Variants in PRKN observed in about 807,000 individuals in gnomAD.
The protein encoded by PRKN is E3 ubiquitin-protein ligase parkin.
In PRKN, 56 loss-of-function variants were observed where a neutral mutation model predicts 59.5. That is an observed-to-expected ratio of 0.94 (90% confidence interval 0.76 to 1.18). PRKN has a LOEUF of 1.18. Ranked by LOEUF, PRKN falls within the 50% of genes most tolerant of loss-of-function variation. The pLI is 0.00. For synonymous variants in PRKN, 250 were observed against 222.1 expected, an observed-to-expected ratio of 1.13 and a Z score of -1.12; for missense variants, 657 against 596.4, an observed-to-expected ratio of 1.10 and a Z score of -1.06.
chr6:161,964,259 A>C (rs180854846), intron 6 of PRKN, among the ~76,000 whole-genome samples: 1 of 152,076 alleles, frequency 6.6e-6, no homozygotes, highest in Non-Finnish European at 1.5e-5. Context: ...TGGAAGCCCT[A>C]ATTATTTTAA....
In PRKN at chr6:162,647,972, A is replaced by G. The variant is rs563762943; in HGVS notation, c.7+79690T>C. Among the ~76,000 whole-genome samples, 616 of 143,054 alleles carry G rather than the reference A, an allele frequency of 4.3e-3. 2 individuals carry two copies. Among genetic ancestry groups the G allele is most frequent in the African/African-American group, 0.015 (596 of 40,172 alleles). The allele number at this position is 143,054 out of a possible 152,430, so 93.8% of individuals were successfully genotyped here. ...TGCAAAAAAAAAAAAAAAAAAAAAA[A>G]AAAAAGTCTACGGGGCAAAATTTGT... On this transcript the variant is annotated intron_variant, in intron 1 of 11. Transcript: ENST00000366898.
At chr6:162,299,439 T>C (rs1333002263) in intron 2 of PRKN, among the ~76,000 whole-genome samples, 1 of 151,950 alleles carries the variant, frequency 6.6e-6, no homozygotes, top group Non-Finnish European at 1.5e-5. Flanking sequence ...AGCAGCTTCT[T>C]CGATAAAAAC....
At chr6:162,053,544 T>G (rs534481184) in intron 5 of PRKN, among the ~76,000 whole-genome samples, 1 of 152,168 alleles carries the variant, frequency 6.6e-6, no homozygotes, top group Non-Finnish European at 1.5e-5. Flanking sequence ...ATGGCATATA[T>G]GTGCAAAGAG....
rs1474048923 is a variant in PRKN, at chr6:161,593,150, T to C, written c.872-23734A>G. On this transcript the variant is annotated intron_variant, in intron 7 of 11. Coordinates refer to ENST00000366898, the MANE Select transcript of PRKN (RefSeq NM_004562.3). This position sits in a 1 kb window ranked among gnomAD's most constrained non-coding sequence, Gnocchi z 4.8. Reference sequence around the variant, plus strand: ...TTTAAAAGGTGATCTGTCCCCTTACTGTATAGAAAATAATTACGAACTAAT... The same window carrying C: ...TTTAAAAGGTGATCTGTCCCCTTACCGTATAGAAAATAATTACGAACTAAT... Among the ~76,000 whole-genome samples the C allele has an allele frequency of 2.6e-5, 4 of 152,190 alleles. No homozygotes were observed. Among genetic ancestry groups the C allele is most frequent in the Non-Finnish European group, 5.9e-5 (4 of 68,030 alleles).
In PRKN at chr6:161,408,395, T is replaced by A. The variant is rs976656377; in HGVS notation, c.1084-21518A>T. ...GCGGACATGTGGGTTTGCGTATACA[T>A]GTAAAACGTATCTAGAAAGCTCTAC... On this transcript the variant is annotated intron_variant, in intron 9 of 11. Coordinates refer to ENST00000366898, the MANE Select transcript of PRKN (RefSeq NM_004562.3). 2.7e-5 allele frequency among the ~76,000 whole-genome samples: 4 copies of A among 150,418 alleles called. No homozygotes were observed. The East Asian group carries it at 7.8e-4, about 29-fold the overall frequency.
intron 1 of PRKN, among the ~76,000 whole-genome samples, chr6:162,490,597 C>T (rs577686480): frequency 2.6e-4 from 40 of 152,168 alleles, no homozygotes; most frequent in East Asian, 9.7e-4. Context: ...GAAAACAAAA[C>T]GAATTTCATG....
At chr6:161,862,311 C>T (rs1053435378) in intron 6 of PRKN, among the ~76,000 whole-genome samples, 6 of 152,096 alleles carry the variant, frequency 3.9e-5, no homozygotes, top group Admixed American at 1.3e-4. Flanking sequence ...TCAGGCTTGT[C>T]GGGGATTACT....
At chr6:161,625,234 T>C (rs1258158417) in intron 7 of PRKN, among the ~76,000 whole-genome samples, 1 of 152,036 alleles carries the variant, frequency 6.6e-6, no homozygotes, top group Admixed American at 6.5e-5. Context: ...TATGCAGCCA[T>C]AAAAAAGGAT....
intron 3 of PRKN, among the ~76,000 whole-genome samples, chr6:162,237,252 CAA>C (rs1344169090): frequency 2.0e-5 from 3 of 151,842 alleles, no homozygotes; most frequent in Non-Finnish European, 4.4e-5. Flanking sequence ...TATTAGAAAA[CAA>C]AAAGAATTTT....
chr6:161,564,252 A>T lies in PRKN; in HGVS notation c.933+5103T>A, dbSNP rs184750418. Among the ~76,000 whole-genome samples, 16 of 152,226 alleles carry T rather than the reference A, an allele frequency of 1.1e-4. No homozygotes were observed. The South Asian group carries it at 1.9e-3, about 18-fold the overall frequency. Reference sequence around the variant, plus strand: ...TGCCTAGAGGCCAGTAGGTCTTGTCATGAATAATCAGGATATAAACGTCCC... The same window carrying T: ...TGCCTAGAGGCCAGTAGGTCTTGTCTTGAATAATCAGGATATAAACGTCCC... On this transcript the variant is annotated intron_variant, in intron 8 of 11. Coordinates refer to ENST00000366898, the MANE Select transcript of PRKN (RefSeq NM_004562.3).
intron 1 of PRKN, among the ~76,000 whole-genome samples, chr6:162,543,262 T>C (rs1319810184): frequency 6.6e-6 from 1 of 152,086 alleles, no homozygotes; most frequent in African/African-American, 2.4e-5. Context: ...GATTGGACTA[T>C]TACATAGGCT....
intron 2 of PRKN, among the ~76,000 whole-genome samples, chr6:162,418,258 G>T (rs975714895): frequency 1.3e-5 from 2 of 152,126 alleles, no homozygotes; most frequent in African/African-American, 2.4e-5. Flanking sequence ...ATCACAAAAA[G>T]ATATATATTG....
intron 9 of PRKN, among the ~76,000 whole-genome samples, chr6:161,496,482 G>A (rs188343874): frequency 2.1e-3 from 316 of 152,342 alleles, no homozygotes; most frequent in Middle Eastern, 6.8e-3. Flanking sequence ...CAATCATGGC[G>A]GAAGGCCAAT....
chr6:161,904,317 T>G (rs1778052837), intron 6 of PRKN, among the ~76,000 whole-genome samples: 1 of 136,856 alleles, frequency 7.3e-6, no homozygotes, highest in Non-Finnish European at 1.6e-5. Flanking sequence ...GGGTTTTTTT[T>G]TTTTTTTTTT....
intron 2 of PRKN, among the ~76,000 whole-genome samples, chr6:162,426,428 T>C (rs1190754359): frequency 3.3e-5 from 5 of 152,312 alleles, no homozygotes; most frequent in Admixed American, 6.5e-5. Context: ...TAAAGTCCAG[T>C]TGTTAAAGAC....
In PRKN at chr6:161,402,638, CAT is replaced by C. The variant is rs752217700; in HGVS notation, c.1084-15763_1084-15762del. ...GAAAGAGCATATTCAATTCTGTACACATGAGAGTCCCACAGAATATGAGACTC... is the reference window on the plus strand; with the variant it reads ...GAAAGAGCATATTCAATTCTGTACACGAGAGTCCCACAGAATATGAGACTC... On this transcript the variant is annotated intron_variant, in intron 9 of 11. Coordinates refer to ENST00000366898, the MANE Select transcript of PRKN (RefSeq NM_004562.3). This position sits in a 1 kb window ranked among gnomAD's most constrained non-coding sequence, Gnocchi z 4.5. Among the ~76,000 whole-genome samples, 1 of 151,994 alleles carries C rather than the reference CAT, an allele frequency of 6.6e-6. No homozygotes were observed. Among genetic ancestry groups the C allele is most frequent in the Non-Finnish European group, 1.5e-5 (1 of 68,024 alleles).
chr6:162,359,346 C>G (rs988648772), intron 2 of PRKN, among the ~76,000 whole-genome samples: 2 of 151,682 alleles, frequency 1.3e-5, no homozygotes, highest in Non-Finnish European at 2.9e-5. Flanking sequence ...GTTTTGAGAG[C>G]CCTAACATGG....
intron 4 of PRKN, among the ~76,000 whole-genome samples, chr6:162,195,153 G>A (rs1784440443): frequency 6.6e-6 from 1 of 152,278 alleles, no homozygotes; most frequent in South Asian, 2.1e-4. Flanking sequence ...CATGGTGGCC[G>A]GTTCCACTCT....
intron 4 of PRKN, among the ~76,000 whole-genome samples, chr6:162,196,977 C>A (rs7741375): frequency 0.026 from 3,885 of 152,116 alleles, 162 homozygotes; most frequent in African/African-American, 0.087. Context: ...TACAATTATA[C>A]TTTCAAAAAT....
Sources: gnomAD v4.1 joint callset for allele counts (sites outside exome capture counted in the v4.1 genomes callset) on GRCh38, gnomAD v4.1.1 for gene constraint, Gnocchi (gnomAD v3.1) non-coding constraint, MANE v1.5 for transcripts, NCBI Gene and HGNC (gene_info 2026-07-23, HGNC 2026-07-21) for gene names.